AKAP6: variants seen among roughly 807,000 people sequenced by gnomAD.
AKAP6 encodes the protein A-kinase anchoring protein 6.
Under a neutral mutation model 188.5 loss-of-function variants are expected in AKAP6, and 58 were observed. That is an observed-to-expected ratio of 0.31 (90% CI 0.25 to 0.38). The LOEUF (loss-of-function observed/expected upper bound fraction) is 0.38, where lower values mean the gene tolerates loss of function less well. Ranked by LOEUF, AKAP6 falls within the 10% of genes least tolerant of loss-of-function variation. The pLI is 1.00. For missense variants in AKAP6, 2,710 were observed against 2,740.0 expected (o/e 0.99, Z 0.24); for synonymous variants, 989 against 998.6 (o/e 0.99, Z 0.18).
In AKAP6 at chr14:32,831,514, A is replaced by T. The variant is rs1018474804; in HGVS notation, c.*1709A>T. 2.0e-5 allele frequency: 3 copies of T among 152,370 alleles called. No individual in the cohort carries two copies. Among genetic ancestry groups the T allele is most frequent in the Admixed American group, 2.0e-4 (3 of 15,306 alleles). 9.4% of individuals were successfully genotyped at this position (152,370 alleles called of 1,614,324 possible). A position where few individuals can be genotyped will look rare whatever the true frequency, so the allele number is the denominator to read the frequency against. Reference sequence around the variant, plus strand: ...GGTTCATGCAGTCACAGGAATGACAATCATTCAACAGATAGTTCAGAAACA... The same window carrying T: ...GGTTCATGCAGTCACAGGAATGACATTCATTCAACAGATAGTTCAGAAACA... On this transcript the variant is annotated 3_prime_UTR_variant, in exon 14 of 14. Coordinates refer to ENST00000280979, the MANE Select transcript of AKAP6 (RefSeq NM_004274.5).
intron 2 of AKAP6, among the ~76,000 whole-genome samples, chr14:32,477,919 T>C (rs1951194): frequency 0.042 from 6,263 of 148,294 alleles, 160 homozygotes; most frequent in South Asian, 0.092. Flanking sequence ...CAATGAGCCT[T>C]AAGTTAGATA....
intron 2 of AKAP6, among the ~76,000 whole-genome samples, chr14:32,449,775 A>C (rs1468046097): frequency 6.6e-6 from 1 of 152,190 alleles, no homozygotes; most frequent in African/African-American, 2.4e-5. Context: ...TCTTGAAACT[A>C]GATTGGGGCT....
chr14:32,750,824 G>A lies in AKAP6; in HGVS notation c.3372+14942G>A, dbSNP rs376959903. 6.1e-5 allele frequency among the ~76,000 whole-genome samples: 9 copies of A among 146,536 alleles called. No individual in the cohort carries two copies. In the East Asian group the frequency reaches 1.0e-3, roughly 17 times the overall value. On this transcript the variant is annotated intron_variant, in intron 11 of 13. Coordinates refer to ENST00000280979, the MANE Select transcript of AKAP6 (RefSeq NM_004274.5). Reference sequence around the variant, plus strand: ...GTGGTGTGATCTCGGCTCACTGCAAGCCCGGGTTCACCCCATTCTCCTGCC... The same window carrying A: ...GTGGTGTGATCTCGGCTCACTGCAAACCCGGGTTCACCCCATTCTCCTGCC...
intron 1 of AKAP6, among the ~76,000 whole-genome samples, chr14:32,362,834 G>A (rs1012426637): frequency 6.6e-6 from 1 of 152,164 alleles, no homozygotes; most frequent in Non-Finnish European, 1.5e-5. Context: ...AGATCAGTCA[G>A]TGTGGGGAGG....
intron 4 of AKAP6, among the ~76,000 whole-genome samples, chr14:32,564,390 G>T (rs902750804): frequency 1.3e-4 from 20 of 152,224 alleles, no homozygotes; most frequent in South Asian, 4.2e-4. Flanking sequence ...GTATATTAAG[G>T]GATGAAAAAG....
chr14:32,554,101 T>C lies in AKAP6; in HGVS notation c.2346+7102T>C, dbSNP rs181399279. Among the ~76,000 whole-genome samples the C allele has an allele frequency of 3.2e-3, 490 of 152,374 alleles. 1 individual carries two copies. Among genetic ancestry groups the C allele is most frequent in the African/African-American group, 0.012 (479 of 41,594 alleles). On this transcript the variant is annotated intron_variant, in intron 4 of 13. Transcript: ENST00000280979. ...ACCTGGACATATGTGGTATAAGTAA[T>C]AGGGATTGGCAAATTATGGCCTGTG...
At chr14:32,435,734 A>G (rs1890356943) in intron 2 of AKAP6, among the ~76,000 whole-genome samples, 1 of 152,188 alleles carries the variant, frequency 6.6e-6, no homozygotes, top group Non-Finnish European at 1.5e-5. Context: ...TAGGATGTCT[A>G]TCATGACTTT....
At chr14:32,744,827 CTG>C (rs1247348070) in intron 11 of AKAP6, among the ~76,000 whole-genome samples, 1 of 151,984 alleles carries the variant, frequency 6.6e-6, no homozygotes, top group African/African-American at 2.4e-5. Flanking sequence ...TCTCCTCTGA[CTG>C]TATATTTTCA....
At chr14:32,541,289 T>G (rs1882942832) in intron 3 of AKAP6, among the ~76,000 whole-genome samples, 1 of 150,710 alleles carries the variant, frequency 6.6e-6, no homozygotes, top group Non-Finnish European at 1.5e-5. Flanking sequence ...GCAGCTATAC[T>G]TTATTCTCTG....
chr14:32,639,589 A>T (rs1887668440), intron 7 of AKAP6, among the ~76,000 whole-genome samples: 1 of 152,166 alleles, frequency 6.6e-6, no homozygotes, highest in African/African-American at 2.4e-5. Context: ...TTGTCCCCTC[A>T]TGAGGCTTGA....
chr14:32,366,665 C>G (rs1327900151), intron 1 of AKAP6, among the ~76,000 whole-genome samples: 1 of 152,040 alleles, frequency 6.6e-6, no homozygotes, highest in South Asian at 2.1e-4. Flanking sequence ...AAATCTTTCT[C>G]TCTTTATATT....
intron 7 of AKAP6, among the ~76,000 whole-genome samples, chr14:32,660,978 C>T (rs1423169454): frequency 2.4e-5 from 3 of 126,392 alleles, no homozygotes; most frequent in African/African-American, 8.7e-5. Context: ...TATCTCATTG[C>T]TCCCTCTCCT....
intron 9 of AKAP6, among the ~76,000 whole-genome samples, chr14:32,709,188 A>C (rs1890937401): frequency 6.6e-6 from 1 of 152,218 alleles, no homozygotes; most frequent in Admixed American, 6.5e-5. Context: ...TCTGTTTACA[A>C]AAAGATCCAG....
At chr14:32,544,388 T>C (rs1398433037) in intron 3 of AKAP6, among the ~76,000 whole-genome samples, 1 of 152,174 alleles carries the variant, frequency 6.6e-6, no homozygotes, top group African/African-American at 2.4e-5. Context: ...GCATTAGTAA[T>C]GGGACAAAAG....
rs1387388751 is a variant in AKAP6, at chr14:32,780,508, A to G, written c.3588+6615A>G. On this transcript the variant is annotated intron_variant, in intron 12 of 13. Transcript: ENST00000280979. Reference sequence around the variant, plus strand: ...ATATAGAAGTCACTTCACTACATGTATCAAAACATCATGTCGTACACAATA... The same window carrying G: ...ATATAGAAGTCACTTCACTACATGTGTCAAAACATCATGTCGTACACAATA... 2.0e-5 allele frequency among the ~76,000 whole-genome samples: 3 copies of G among 152,336 alleles called. No individual in the cohort carries two copies. In the South Asian group the frequency reaches 6.2e-4, roughly 32 times the overall value.
chr14:32,771,005 TATA>T (rs760079359), intron 11 of AKAP6, among the ~76,000 whole-genome samples: 1 of 152,200 alleles, frequency 6.6e-6, no homozygotes, highest in South Asian at 2.1e-4. Flanking sequence ...CAAAGATAGT[TATA>T]ATAATTGTTT....
intron 9 of AKAP6, among the ~76,000 whole-genome samples, chr14:32,708,874 T>A (rs1890923607): frequency 6.6e-6 from 1 of 151,978 alleles, no homozygotes; most frequent in South Asian, 2.1e-4. Context: ...TGATAAACAT[T>A]CCTGTCTGTA....
At chr14:32,505,492 CCA>C (rs1157384595) in intron 2 of AKAP6, among the ~76,000 whole-genome samples, 2 of 151,782 alleles carry the variant, frequency 1.3e-5, no homozygotes, top group African/African-American at 4.8e-5. Context: ...ATTAATGCAA[CCA>C]AATCCATGAT....
chr14:32,492,355 TAG>T (rs1555333490), intron 2 of AKAP6, among the ~76,000 whole-genome samples: 3,995 of 82,544 alleles, frequency 0.048, 160 homozygotes, highest in African/African-American at 0.1. Context: ...TATATATATA[TAG>T]AGAGAGAGAG....
Sources: allele counts gnomAD v4.1 joint callset (sites outside exome capture counted in the v4.1 genomes callset), GRCh38; gene constraint gnomAD v4.1.1; transcripts MANE v1.5; gene names NCBI Gene and HGNC (gene_info 2026-07-23, HGNC 2026-07-21).